PPP1R12B: variants seen among roughly 807,000 people sequenced by gnomAD.
PPP1R12B encodes myosin phosphatase target subunit 2.
A neutral mutation model predicts 126.1 loss-of-function variants in PPP1R12B; 76 were observed. The observed-to-expected ratio is 0.60, with a 90% CI of 0.50 to 0.73. PPP1R12B has a LOEUF of 0.73. PPP1R12B is among the 30% of genes least tolerant of loss of function. PPP1R12B has a pLI of 0.00. For synonymous variants in PPP1R12B, 356 were observed against 434.7 expected (o/e 0.82, Z 2.25); for missense variants, 1,052 against 1,205.1 (o/e 0.87, Z 1.88).
At chr1:202,551,585 A>AG (rs71564189) in intron 18 of PPP1R12B, among the ~76,000 whole-genome samples, 65,896 of 151,814 alleles carry the variant, frequency 0.43, 15,658 homozygotes, top group East Asian at 0.71. Flanking sequence ...CCTCCCCAAA[A>AG]GTCCTCACCT....
In PPP1R12B at chr1:202,348,839, C is replaced by A. The variant is rs759448764; in HGVS notation, c.-13C>A. On this transcript the variant is annotated 5_prime_UTR_variant, in exon 1 of 24. Coordinates refer to ENST00000608999, the MANE Select transcript of PPP1R12B (RefSeq NM_002481.4). ...TGTTGGTAGTTTTGGCAGCAGCTGC[C>A]GAGGCCGGAGCAATGGCGGAACTGG... The A allele has an allele frequency of 8.8e-6, 14 of 1,598,688 alleles. No homozygotes were observed. Among genetic ancestry groups the A allele is most frequent in the Non-Finnish European group, 1.2e-5 (14 of 1,175,652 alleles).
intron 18 of PPP1R12B, among the ~76,000 whole-genome samples, chr1:202,553,118 G>A (rs1686492732): frequency 6.6e-6 from 1 of 152,192 alleles, no homozygotes; most frequent in South Asian, 2.1e-4. Context: ...AGAATTTCAA[G>A]AGGTATGAAA....
chr1:202,508,803 A>G lies in PPP1R12B; in HGVS notation c.2490+11981A>G, dbSNP rs1681103010. 6.6e-6 allele frequency among the ~76,000 whole-genome samples: 1 copy of G among 152,180 alleles called. No homozygotes were observed. Among genetic ancestry groups the G allele is most frequent in the African/African-American group, 2.4e-5 (1 of 41,440 alleles). ...ATAGGGAAAGCAGATGTTTATACCT[A>G]TTCTCCGGCAGAACATGTTGGTGGT... is the stretch of plus-strand genomic sequence containing the variant. On this transcript the variant is annotated intron_variant, in intron 18 of 23. Coordinates refer to ENST00000608999, the MANE Select transcript of PPP1R12B (RefSeq NM_002481.4). The surrounding 1 kb of genome is among the most constrained non-coding windows in gnomAD (Gnocchi z 4.5).
chr1:202,443,108 G>A, intron 12 of PPP1R12B: 3 of 984,148 alleles, frequency 3.0e-6, no homozygotes, highest in Non-Finnish European at 3.6e-6. Context: ...TGTGAAACTC[G>A]CAAGTTTGGT....
intron 1 of PPP1R12B, among the ~76,000 whole-genome samples, chr1:202,413,174 G>C (rs1366635926): frequency 6.6e-6 from 1 of 151,870 alleles, no homozygotes. Flanking sequence ...ATCAAACCTA[G>C]ATTGACAGTT....
rs12564140 is a variant in PPP1R12B, at chr1:202,456,731, C to T, written c.1850+7560C>T. 3.1e-3 allele frequency among the ~76,000 whole-genome samples: 469 copies of T among 152,252 alleles called. 4 individuals are homozygous for T. Among genetic ancestry groups the T allele is most frequent in the African/African-American group, 0.011 (448 of 41,522 alleles). ...TCACTTGTGAGAAATTTTCACTATTCGTATAGTTTAGAAATCCCAAAAGTC... is the reference window on the plus strand; with the variant it reads ...TCACTTGTGAGAAATTTTCACTATTTGTATAGTTTAGAAATCCCAAAAGTC... On this transcript the variant is annotated intron_variant, in intron 13 of 23. Transcript: ENST00000608999.
At chr1:202,373,712 A>G (rs568933439) in intron 1 of PPP1R12B, among the ~76,000 whole-genome samples, 1 of 151,798 alleles carries the variant, frequency 6.6e-6, no homozygotes, top group East Asian at 1.9e-4. Flanking sequence ...TACTAGAAAT[A>G]TGATGTTTAG....
intron 18 of PPP1R12B, among the ~76,000 whole-genome samples, chr1:202,539,231 G>A (rs1161851341): frequency 6.6e-6 from 1 of 152,198 alleles, no homozygotes; most frequent in Non-Finnish European, 1.5e-5. Context: ...AGGGGACACT[G>A]GAAGGTTGGT....
intron 18 of PPP1R12B, among the ~76,000 whole-genome samples, chr1:202,515,146 G>A (rs1681975093): frequency 1.3e-5 from 2 of 152,164 alleles, no homozygotes; most frequent in South Asian, 4.1e-4. Flanking sequence ...CTACTTGAGG[G>A]AGGAGGGTAG....
chr1:202,548,802 CTCTCTCTA>C (rs1179505161), intron 18 of PPP1R12B, among the ~76,000 whole-genome samples: 3,036 of 94,982 alleles, frequency 0.032, 34 homozygotes, highest in East Asian at 0.19. Flanking sequence ...CTCTCTCTCT[CTCTCTCTA>C]TATATATATA....
At chr1:202,439,275 C>G in intron 10 of PPP1R12B, 1 of 1,418,710 alleles carries the variant, frequency 7.0e-7, no homozygotes, top group East Asian at 2.3e-5. Context: ...AGGCAAGATA[C>G]TGGCCCAGCA....
intron 14 of PPP1R12B, among the ~76,000 whole-genome samples, chr1:202,490,624 A>G (rs1423512591): frequency 6.6e-6 from 1 of 152,240 alleles, no homozygotes; most frequent in Non-Finnish European, 1.5e-5. Context: ...CTCTGTATCC[A>G]TTAAATAATT....
chr1:202,459,536 TC>T (rs1674051341), intron 13 of PPP1R12B, among the ~76,000 whole-genome samples: 4 of 152,128 alleles, frequency 2.6e-5, no homozygotes, highest in South Asian at 4.1e-4. Flanking sequence ...TTCCTTTTTT[TC>T]CCCCCTGAAA....
chr1:202,575,284 A>C, intron 23 of PPP1R12B: 1 of 1,217,694 alleles, frequency 8.2e-7, no homozygotes, highest in Non-Finnish European at 1.1e-6. Flanking sequence ...CTGCAGATGG[A>C]AGCAGCCAGG....
intron 1 of PPP1R12B, among the ~76,000 whole-genome samples, chr1:202,361,016 G>T (rs1438019094): frequency 1.3e-5 from 2 of 151,174 alleles, no homozygotes; most frequent in Non-Finnish European, 2.9e-5. Context: ...TCAGCCTCCT[G>T]AGTAGCTGGG....
intron 13 of PPP1R12B, among the ~76,000 whole-genome samples, chr1:202,470,578 T>A (rs1259800921): frequency 6.6e-6 from 1 of 152,196 alleles, no homozygotes; most frequent in Non-Finnish European, 1.5e-5. Context: ...TTTGAGATCA[T>A]GCTATATATG....
rs1021573175 is a variant in PPP1R12B, at chr1:202,580,779, A to G, written c.*219A>G. On this transcript the variant is annotated 3_prime_UTR_variant, in exon 24 of 24. Transcript: ENST00000608999. ...TATCCCAAGTTTTATGACAGTTTTA[A>G]TTGAAGCATGATTGTGGTAATTCGA... 7.9e-6 allele frequency: 4 copies of G among 507,072 alleles called. No homozygotes were observed. The East Asian group carries it at 1.4e-4, about 17-fold the overall frequency. 31.4% of individuals were successfully genotyped at this position (507,072 alleles called of 1,614,324 possible).
intron 10 of PPP1R12B, chr1:202,438,394 G>C (rs984127522): frequency 1.6e-6 from 1 of 623,596 alleles, no homozygotes; most frequent in African/African-American, 1.9e-5. Context: ...CCCCCCAGCG[G>C]CATGGCTTCG....
intron 1 of PPP1R12B, among the ~76,000 whole-genome samples, chr1:202,373,181 C>T (rs1230943035): frequency 1.3e-5 from 2 of 152,214 alleles, no homozygotes; most frequent in East Asian, 3.9e-4. Context: ...AGTGATCCTC[C>T]CTCCTCAGCC....
Sources: gnomAD v4.1 joint callset for allele counts (sites outside exome capture counted in the v4.1 genomes callset) on GRCh38, gnomAD v4.1.1 for gene constraint, Gnocchi (gnomAD v3.1) non-coding constraint, MANE v1.5 for transcripts, NCBI Gene and HGNC (gene_info 2026-07-23, HGNC 2026-07-21) for gene names.